The following WDPCP variants were observed in gnomAD, a reference collection of about 807,000 sequenced individuals.
The protein encoded by WDPCP is WD repeat-containing and planar cell polarity effector protein fritz homolog.
WDPCP carries 71 observed loss-of-function variants against 93.1 expected under a neutral mutation model. The ratio of observed to expected loss-of-function variants is 0.76; its 90% CI spans 0.63 to 0.93. WDPCP has a LOEUF of 0.93. Among genes scored for constraint, WDPCP ranks in the 40% least tolerant of loss-of-function variants. WDPCP has a pLI of 0.00. For missense variants in WDPCP, 844 were observed against 887.4 expected (o/e 0.95, Z 0.62); for synonymous variants, 315 against 315.0 (o/e 1.00, Z 0.00).
chr2:63,445,917 T>C (rs1697828244), intron 6 of WDPCP, among the ~76,000 whole-genome samples: 1 of 152,092 alleles, frequency 6.6e-6, no homozygotes, highest in African/African-American at 2.4e-5. Flanking sequence ...TTAAAAACAA[T>C]AGTAATAAGG....
intron 14 of WDPCP, among the ~76,000 whole-genome samples, chr2:63,187,820 A>G (rs1050984590): frequency 6.6e-6 from 1 of 152,224 alleles, no homozygotes; most frequent in African/African-American, 2.4e-5. Context: ...TTATAATTTC[A>G]TATTACTATG....
intron 13 of WDPCP, among the ~76,000 whole-genome samples, chr2:63,266,306 G>C (rs2104821149): frequency 6.6e-6 from 1 of 152,260 alleles, no homozygotes; most frequent in Non-Finnish European, 1.5e-5. Flanking sequence ...AAATTTGGTT[G>C]ATTTTGCAGC....
At position 63,345,342 on chromosome 2, in the gene WDPCP, T is replaced by G. The variant is rs182118323; in HGVS notation, c.1749-32031A>C. Among the ~76,000 whole-genome samples the G allele has an allele frequency of 1.9e-4, 29 of 152,312 alleles. No homozygotes were observed. The East Asian group carries it at 5.0e-3, about 26-fold the overall frequency. Reference sequence around the variant, plus strand: ...TCTGTTTCTAGGTGACATAAGGCACTTTAGTTGGGCAACTTTGGCTTGAAG... The same window carrying G: ...TCTGTTTCTAGGTGACATAAGGCACGTTAGTTGGGCAACTTTGGCTTGAAG... On this transcript the variant is annotated intron_variant, in intron 12 of 17. Transcript: ENST00000272321.
chr2:63,739,111 G>A (rs1395563036), intron 2 of WDPCP, among the ~76,000 whole-genome samples: 1 of 152,058 alleles, frequency 6.6e-6, no homozygotes, highest in Non-Finnish European at 1.5e-5. Flanking sequence ...AGGGGTTGTT[G>A]TACATATTAT....
intron 15 of WDPCP, chr2:63,168,474 TTTTTC>T (rs1320613536): frequency 6.6e-6 from 1 of 152,130 alleles, no homozygotes; most frequent in Non-Finnish European, 1.5e-5. Context: ...AAATTGAATC[TTTTTC>T]TTTTAATAGG....
chr2:63,761,280 G>A (rs1037015056), intron 2 of WDPCP, among the ~76,000 whole-genome samples: 3 of 152,132 alleles, frequency 2.0e-5, no homozygotes, highest in Admixed American at 2.0e-4. Context: ...CCTGCCATGG[G>A]ATGACACAGC....
At chr2:63,768,059 T>C (rs1461889043) in intron 2 of WDPCP, among the ~76,000 whole-genome samples, 2 of 152,158 alleles carry the variant, frequency 1.3e-5, no homozygotes, top group African/African-American at 4.8e-5. Flanking sequence ...TTTTAGGTTT[T>C]ATATTCAGGT....
intron 1 of WDPCP, among the ~76,000 whole-genome samples, chr2:63,536,646 A>G (rs1311248930): frequency 1.3e-5 from 2 of 152,162 alleles, no homozygotes; most frequent in South Asian, 2.1e-4. Context: ...TATCTGTAAT[A>G]TACTTTGAAG....
chr2:63,322,604 C>A, intron 12 of WDPCP, among the ~76,000 whole-genome samples: 1 of 152,144 alleles, frequency 6.6e-6, no homozygotes, highest in African/African-American at 2.4e-5. Flanking sequence ...TCAGCGAGAC[C>A]ATGAACCCAC....
At chr2:63,281,659 A>G (rs549921375) in intron 13 of WDPCP, among the ~76,000 whole-genome samples, 1 of 152,368 alleles carries the variant, frequency 6.6e-6, no homozygotes, top group East Asian at 1.9e-4. Flanking sequence ...AAGGAATTGA[A>G]TAATGGCATT....
At chr2:63,838,858 T>C in the WDPCP span, among the ~76,000 whole-genome samples, 1 of 152,202 alleles carries the variant, frequency 6.6e-6, no homozygotes, top group Non-Finnish European at 1.5e-5. Context: ...TCAAGTGAGG[T>C]TGTTCTTAGT....
chr2:63,489,636 C>T (rs1310298923), intron 2 of WDPCP, among the ~76,000 whole-genome samples: 1 of 151,874 alleles, frequency 6.6e-6, no homozygotes, highest in East Asian at 1.9e-4. Flanking sequence ...AGGGACATGT[C>T]AAAAAGACAC....
At chr2:63,700,282 C>CAAAAA (rs1196006011) in intron 2 of WDPCP, among the ~76,000 whole-genome samples, 4 of 41,566 alleles carry the variant, frequency 9.6e-5, no homozygotes, top group African/African-American at 2.0e-4. Flanking sequence ...GACCCTGTCT[C>CAAAAA]AAAAAAAAAA....
chr2:63,484,345 C>CA, intron 6 of WDPCP, among the ~76,000 whole-genome samples: 1 of 151,832 alleles, frequency 6.6e-6, no homozygotes, highest in Middle Eastern at 3.4e-3. Flanking sequence ...CAACTTCAAA[C>CA]AAAAAAATAC....
intron 2 of WDPCP, among the ~76,000 whole-genome samples, chr2:63,804,748 G>T (rs949537214): frequency 6.6e-6 from 1 of 151,714 alleles, no homozygotes; most frequent in Admixed American, 6.6e-5. Flanking sequence ...GTCCATGTTG[G>T]GCCGGGCACG....
intron 10 of WDPCP, among the ~76,000 whole-genome samples, chr2:63,387,643 G>A (rs1692853045): frequency 6.6e-6 from 1 of 152,036 alleles, no homozygotes; most frequent in South Asian, 2.1e-4. Context: ...TCAGGCAAGA[G>A]AAAGAAATAA....
At chr2:63,751,644 C>T (rs1343319838) in intron 2 of WDPCP, 8 of 483,776 alleles carry the variant, frequency 1.7e-5, no homozygotes, top group South Asian at 1.6e-5. Context: ...CTTCCATGTC[C>T]CTTCTCTGGC....
At chr2:63,595,527 GGGGAGTAGAGAA>G in intron 3 of WDPCP, 10 of 1,547,684 alleles carry the variant, frequency 6.5e-6, no homozygotes, top group Non-Finnish European at 8.9e-6. Flanking sequence ...AAGGTGGGTT[GGGGAGTAGAGAA>G]GGGATTTTAT....
intron 14 of WDPCP, among the ~76,000 whole-genome samples, chr2:63,233,988 G>A (rs1458762300): frequency 1.3e-5 from 2 of 151,994 alleles, no homozygotes; most frequent in African/African-American, 4.8e-5. Flanking sequence ...ATATGCTTAG[G>A]GTAAAAAGAC....
Sources: gnomAD v4.1 joint callset for allele counts (sites outside exome capture counted in the v4.1 genomes callset) on GRCh38, gnomAD v4.1.1 for gene constraint, MANE v1.5 for transcripts, NCBI Gene and HGNC (gene_info 2026-07-23, HGNC 2026-07-21) for gene names.